The following INKA1 variants were observed in gnomAD, a reference collection of about 807,000 sequenced individuals.
INKA1 encodes inka box actin regulator 1.
INKA1 carries 14 observed loss-of-function variants against 21.3 expected under a neutral mutation model. That is an observed-to-expected ratio of 0.66 (90% CI 0.43 to 1.03). The LOEUF (loss-of-function observed/expected upper bound fraction) is 1.03. Among genes scored for constraint, INKA1 ranks in the 50% least tolerant of loss-of-function variants. INKA1 has a pLI of 0.00. For missense variants in INKA1, 353 were observed against 379.0 expected, an observed-to-expected ratio of 0.93 and a Z score of 0.57; for synonymous variants, 133 against 143.3, an observed-to-expected ratio of 0.93 and a Z score of 0.51.
chr3:49,804,877 T>C lies in INKA1; in HGVS notation c.748T>C (p.Cys250Arg), dbSNP rs766753112. The C allele has an allele frequency of 5.0e-6, 8 of 1,612,968 alleles. No homozygotes were observed. Among genetic ancestry groups the C allele is most frequent in the African/African-American group, 1.3e-5 (1 of 75,046 alleles). Residue 250 changes from cysteine (C) to arginine (R), a missense_variant, in exon 2 of 2, where the codon TGC (cysteine) becomes CGC (arginine). Cys to Arg is a radical substitution (Grantham distance 180). Coordinates refer to ENST00000333323, the MANE Select transcript of INKA1 (RefSeq NM_203370.2). This position sits in a 1 kb window ranked among gnomAD's most constrained non-coding sequence, Gnocchi z 6.7. ...AGCTATGGCAGGAAAGCGGCTGTCA[T>C]GCCCACCTCGCCCAGAACCTGAACT... ...RTAMAGKRLSCPPRPEPELPA... is the reference protein window; with the variant it reads ...RTAMAGKRLSRPPRPEPELPA...
Position 49,804,560 on chromosome 3 carries a change from C to T in INKA1, c.431C>T (p.Pro144Leu), listed in dbSNP as rs140569350. The T allele has an allele frequency of 7.4e-4, 1,200 of 1,613,448 alleles. 1 individual carries two copies. The highest frequency in any genetic ancestry group is 9.3e-4 in the Non-Finnish European group (1,102 of 1,180,036). ...MPSRAPVASVPPVHHPRPKST... is the reference protein window; with the variant it reads ...MPSRAPVASVLPVHHPRPKST... The stretch of plus-strand genomic sequence containing the variant: ...AGCAGGGCCCCTGTAGCCAGTGTAC[C>T]ACCTGTCCACCATCCACGGCCCAAG... Residue 144 changes from proline (P) to leucine (L), a missense_variant, in exon 2 of 2, where the codon CCA becomes CTA. Pro to Leu is a moderately conservative substitution (Grantham distance 98). Coordinates refer to ENST00000333323, the MANE Select transcript of INKA1 (RefSeq NM_203370.2). The surrounding 1 kb of genome is among the most constrained non-coding windows in gnomAD (Gnocchi z 6.7).
Position 49,803,351 on chromosome 3 carries a change from C to T in INKA1, c.-42C>T. 8.1e-6 allele frequency: 12 copies of T among 1,482,084 alleles called. No individual in the cohort carries two copies. Among genetic ancestry groups the T allele is most frequent in the Non-Finnish European group, 1.1e-5 (12 of 1,119,980 alleles). 91.8% of individuals were successfully genotyped at this position (1,482,084 alleles called of 1,614,324 possible). On this transcript the variant is annotated 5_prime_UTR_variant, in exon 1 of 2. Transcript: ENST00000333323. This position sits in a 1 kb window ranked among gnomAD's most constrained non-coding sequence, Gnocchi z 4.8. ...CTCTCCGCGCGGCTCCGCCGGGGTT[C>T]CAAGAGGAGCTAGTAGGTTCGGTGG... is the stretch of plus-strand genomic sequence containing the variant.
chr3:49,804,261 C>T lies in INKA1; in HGVS notation c.132C>T (p.Pro44=). The change falls in exon 2 of 2, where the codon CCC becomes CCT. Residue 44 remains proline (P), a synonymous_variant. Coordinates refer to ENST00000333323, the MANE Select transcript of INKA1 (RefSeq NM_203370.2). The surrounding 1 kb of genome is among the most constrained non-coding windows in gnomAD (Gnocchi z 6.7). Reference sequence around the variant, plus strand: ...CCCAAACTGGCCCAGATGTGCAGCCCAGCCACCAGCTTAGGGCCTCGGGTG... The same window carrying T: ...CCCAAACTGGCCCAGATGTGCAGCCTAGCCACCAGCTTAGGGCCTCGGGTG... ...PTSQTGPDVQ[P]SHQLRASGAL... 1 of 1,613,086 alleles carries T rather than the reference C, an allele frequency of 6.2e-7. No homozygotes were observed. Among genetic ancestry groups the T allele is most frequent in the South Asian group, 1.1e-5 (1 of 91,032 alleles).
In INKA1 at chr3:49,804,478, C is replaced by T. The variant is rs1228160998; in HGVS notation, c.349C>T (p.Pro117Ser). The T allele has an allele frequency of 2.5e-6, 4 of 1,613,608 alleles. No individual in the cohort carries two copies. Among genetic ancestry groups the T allele is most frequent in the African/African-American group, 1.3e-5 (1 of 75,054 alleles). ...EELPVSQRPA[P>S]SAQPLRRQCL... ...ACTGCCTGTATCCCAGCGCCCAGCA[C>T]CCTCAGCACAGCCCCTTCGTAGGCA... Residue 117 changes from proline to serine, a missense_variant, in exon 2 of 2, where the codon CCC becomes TCC. By Grantham distance (74) the Pro-to-Ser change is moderately conservative (BLOSUM62 -1). Transcript: ENST00000333323. This position sits in a 1 kb window ranked among gnomAD's most constrained non-coding sequence, Gnocchi z 6.7.
In INKA1 at chr3:49,804,442, C is replaced by A. The variant is rs375302194; in HGVS notation, c.313C>A (p.Arg105=). Residue 105 remains arginine (R), a synonymous_variant, in exon 2 of 2, where the codon CGA becomes AGA. Coordinates refer to ENST00000333323, the MANE Select transcript of INKA1 (RefSeq NM_203370.2). This position sits in a 1 kb window ranked among gnomAD's most constrained non-coding sequence, Gnocchi z 6.7. ...CTCGGAGGTGTCAGGCAGCACATGG[C>A]GAGAGGAAGAACTGCCTGTATCCCA... is the stretch of plus-strand genomic sequence containing the variant. ...GFSEVSGSTW[R]EEELPVSQRP... The A allele has an allele frequency of 3.1e-6, 5 of 1,613,478 alleles. No homozygotes were observed. Among genetic ancestry groups the A allele is most frequent in the Non-Finnish European group, 4.2e-6 (5 of 1,179,992 alleles).
At position 49,804,322 on chromosome 3, in the gene INKA1, G is replaced by A; in HGVS notation, c.193G>A (p.Glu65Lys). 1 of 1,613,512 alleles carries A rather than the reference G, an allele frequency of 6.2e-7. No individual in the cohort carries two copies. Among genetic ancestry groups the A allele is most frequent in the Non-Finnish European group, 8.5e-7 (1 of 1,179,948 alleles). ...EEDSVCCVEE[E>K]EEEEEEAVVT... ...GGACTCAGTCTGCTGTGTGGAGGAG[G>A]AGGAAGAGGAGGAGGAGGAAGCAGT... is the stretch of plus-strand genomic sequence containing the variant. The change falls in exon 2 of 2, where the codon GAG (glutamate) becomes AAG (lysine). Residue 65 changes from glutamate (E) to lysine (K), a missense_variant. Transcript: ENST00000333323. The surrounding 1 kb of genome is among the most constrained non-coding windows in gnomAD (Gnocchi z 6.7).
chr3:49,803,998 A>G lies in INKA1; in HGVS notation c.52-183A>G, dbSNP rs904017048. ...GCATGCTGCAGCCTGCCAGACTGCC[A>G]CCAGGTCGGTGGATGAGAACCACAC... On this transcript the variant is annotated intron_variant, in intron 1 of 1. Coordinates refer to ENST00000333323, the MANE Select transcript of INKA1 (RefSeq NM_203370.2). The surrounding 1 kb of genome is among the most constrained non-coding windows in gnomAD (Gnocchi z 4.8). Among the ~76,000 whole-genome samples the G allele has an allele frequency of 6.6e-6, 1 of 152,110 alleles. No individual in the cohort carries two copies. The highest frequency in any genetic ancestry group is 6.5e-5 in the Admixed American group (1 of 15,278).
At position 49,804,045 on chromosome 3, in the gene INKA1, C is replaced by A; in HGVS notation, c.52-136C>A. 1.4e-6 allele frequency: 1 copy of A among 726,440 alleles called. No homozygotes were observed. The highest frequency in any genetic ancestry group is 2.3e-6 in the Non-Finnish European group (1 of 432,600). The allele number at this position is 726,440 out of a possible 1,614,324, so 45.0% of individuals were successfully genotyped here. A position where few individuals can be genotyped will look rare whatever the true frequency, so the allele number is the denominator to read the frequency against. ...ACACCAGCTTCGAGTGCCAGCACCC[C>A]TATGCCTGCCCTGTGCTCACTAACA... On this transcript the variant is annotated intron_variant, in intron 1 of 1. Coordinates refer to ENST00000333323, the MANE Select transcript of INKA1 (RefSeq NM_203370.2). This position sits in a 1 kb window ranked among gnomAD's most constrained non-coding sequence, Gnocchi z 6.7.
chr3:49,804,641 C>G lies in INKA1; in HGVS notation c.512C>G (p.Thr171Arg). 1 of 1,613,218 alleles carries G rather than the reference C, an allele frequency of 6.2e-7. No homozygotes were observed. Among genetic ancestry groups the G allele is most frequent in the Non-Finnish European group, 8.5e-7 (1 of 1,180,026 alleles). ...CAGGGACTGGAAGCAGAGGACTGGA[C>G]AGCAGCCCTACTGAACAGGGGTCGC... ...HWQGLEAEDW[T>R]AALLNRGRSR... Residue 171 changes from threonine to arginine, a missense_variant, in exon 2 of 2, where the codon ACA becomes AGA. Physicochemically the swap from Thr to Arg is moderately conservative, Grantham distance 71. Coordinates refer to ENST00000333323, the MANE Select transcript of INKA1 (RefSeq NM_203370.2). The surrounding 1 kb of genome is among the most constrained non-coding windows in gnomAD (Gnocchi z 6.7).
rs1014360424 is a variant in INKA1, at chr3:49,803,346, G to T, written c.-47G>T. 6.8e-7 allele frequency: 1 copy of T among 1,473,924 alleles called. No homozygotes were observed. The highest frequency in any genetic ancestry group is 2.9e-5 in the Admixed American group (1 of 34,696). 91.3% of individuals were successfully genotyped at this position (1,473,924 alleles called of 1,614,324 possible). On this transcript the variant is annotated 5_prime_UTR_variant, in exon 1 of 2. Coordinates refer to ENST00000333323, the MANE Select transcript of INKA1 (RefSeq NM_203370.2). The surrounding 1 kb of genome is among the most constrained non-coding windows in gnomAD (Gnocchi z 4.8). ...CAGCCCTCTCCGCGCGGCTCCGCCG[G>T]GGTTCCAAGAGGAGCTAGTAGGTTC...
At position 49,804,443 on chromosome 3, in the gene INKA1, G is replaced by A. The variant is rs139173242; in HGVS notation, c.314G>A (p.Arg105Gln). 15 of 1,613,458 alleles carry A rather than the reference G, an allele frequency of 9.3e-6. No homozygotes were observed. Among genetic ancestry groups the A allele is most frequent in the East Asian group, 6.7e-5 (3 of 44,888 alleles). The change falls in exon 2 of 2, where the codon CGA becomes CAA. Residue 105 changes from arginine (R) to glutamine (Q), a missense_variant. Transcript: ENST00000333323. This position sits in a 1 kb window ranked among gnomAD's most constrained non-coding sequence, Gnocchi z 6.7. ...TCGGAGGTGTCAGGCAGCACATGGC[G>A]AGAGGAAGAACTGCCTGTATCCCAG... is the stretch of plus-strand genomic sequence containing the variant. ...GFSEVSGSTWREEELPVSQRP... is the reference protein window; with the variant it reads ...GFSEVSGSTWQEEELPVSQRP...
Position 49,804,371 on chromosome 3 carries a change from C to T in INKA1, c.242C>T (p.Ala81Val). 1 of 1,613,260 alleles carries T rather than the reference C, an allele frequency of 6.2e-7. No homozygotes were observed. The highest frequency in any genetic ancestry group is 8.5e-7 in the Non-Finnish European group (1 of 1,179,938). ...EAVVTEDRDA[A>V]LGGPREHALD... ...GTGGTGACAGAAGACAGGGATGCAG[C>T]CTTGGGAGGCCCCAGGGAGCATGCC... Residue 81 changes from alanine (A) to valine (V), a missense_variant, in exon 2 of 2, where the codon GCC becomes GTC. Transcript: ENST00000333323. The surrounding 1 kb of genome is among the most constrained non-coding windows in gnomAD (Gnocchi z 6.7).
Position 49,803,820 on chromosome 3 carries a change from C to T in INKA1, c.52-361C>T, listed in dbSNP as rs1297188575. Among the ~76,000 whole-genome samples the T allele has an allele frequency of 6.6e-6, 1 of 152,186 alleles. No homozygotes were observed. The highest frequency in any genetic ancestry group is 1.5e-5 in the Non-Finnish European group (1 of 68,010). On this transcript the variant is annotated intron_variant, in intron 1 of 1. Coordinates refer to ENST00000333323, the MANE Select transcript of INKA1 (RefSeq NM_203370.2). This position sits in a 1 kb window ranked among gnomAD's most constrained non-coding sequence, Gnocchi z 4.8. ...ACCCCTCACCTAGCAAGCGCTCTTT[C>T]TGTGAAAGACGCTTTGGGCTTTGGG...
Position 49,803,343 on chromosome 3 carries a change from C to T in INKA1, c.-50C>T. 6.8e-7 allele frequency: 1 copy of T among 1,472,092 alleles called. No individual in the cohort carries two copies. The highest frequency in any genetic ancestry group is 9.0e-7 in the Non-Finnish European group (1 of 1,114,976). The allele number at this position is 1,472,092 out of a possible 1,614,324, so 91.2% of individuals were successfully genotyped here. ...TCCCAGCCCTCTCCGCGCGGCTCCG[C>T]CGGGGTTCCAAGAGGAGCTAGTAGG... is the stretch of plus-strand genomic sequence containing the variant. On this transcript the variant is annotated 5_prime_UTR_variant, in exon 1 of 2. Coordinates refer to ENST00000333323, the MANE Select transcript of INKA1 (RefSeq NM_203370.2). This position sits in a 1 kb window ranked among gnomAD's most constrained non-coding sequence, Gnocchi z 4.8.
rs150759382 is a variant in INKA1, at chr3:49,804,438, A to G, written c.309A>G (p.Thr103=). ...DSGFSEVSGS[T]WREEELPVSQ... The stretch of plus-strand genomic sequence containing the variant: ...GCTTCTCGGAGGTGTCAGGCAGCAC[A>G]TGGCGAGAGGAAGAACTGCCTGTAT... Residue 103 remains threonine (T), a synonymous_variant, in exon 2 of 2, where the codon ACA becomes ACG. Transcript: ENST00000333323. This position sits in a 1 kb window ranked among gnomAD's most constrained non-coding sequence, Gnocchi z 6.7. 9.3e-6 allele frequency: 15 copies of G among 1,613,462 alleles called. No individual in the cohort carries two copies. The highest frequency in any genetic ancestry group is 1.3e-5 in the Non-Finnish European group (15 of 1,179,994).
rs6807837 is a variant in INKA1 at position 49,803,490 on chromosome 3, C to T, written c.51+47C>T. 4.2e-3 allele frequency: 6,351 copies of T among 1,524,442 alleles called. 226 individuals are homozygous for T. In the African/African-American group the frequency reaches 0.079, roughly 19 times the overall value. 94.4% of individuals were successfully genotyped at this position (1,524,442 alleles called of 1,614,324 possible). On this transcript the variant is annotated intron_variant, in intron 1 of 1. Transcript: ENST00000333323. The surrounding 1 kb of genome is among the most constrained non-coding windows in gnomAD (Gnocchi z 4.8). ...GGTTAGTGAGGACGCGTGCGGGATG[C>T]CAGGCTGCCGCCCGGCCGGAACAAC...
chr3:49,804,250 G>C lies in INKA1; in HGVS notation c.121G>C (p.Asp41His). Residue 41 changes from aspartate (D) to histidine (H), a missense_variant, in exon 2 of 2, where the codon GAT becomes CAT. Transcript: ENST00000333323. The surrounding 1 kb of genome is among the most constrained non-coding windows in gnomAD (Gnocchi z 6.7). ...PLQPTSQTGPDVQPSHQLRAS... is the reference protein window; with the variant it reads ...PLQPTSQTGPHVQPSHQLRAS... ...GCAGCCAACCTCCCAAACTGGCCCAGATGTGCAGCCCAGCCACCAGCTTAG... is the reference window on the plus strand; with the variant it reads ...GCAGCCAACCTCCCAAACTGGCCCACATGTGCAGCCCAGCCACCAGCTTAG... 4 of 1,612,286 alleles carry C rather than the reference G, an allele frequency of 2.5e-6. No homozygotes were observed. Among genetic ancestry groups the C allele is most frequent in the Non-Finnish European group, 3.4e-6 (4 of 1,179,018 alleles).
At position 49,803,448 on chromosome 3, in the gene INKA1, G is replaced by T; in HGVS notation, c.51+5G>T. On this transcript the variant is annotated splice_donor_5th_base_variant and intron_variant, in intron 1 of 1. Transcript: ENST00000333323. The surrounding 1 kb of genome is among the most constrained non-coding windows in gnomAD (Gnocchi z 4.8). Reference sequence around the variant, plus strand: ...AGCCAGCTCCGCTGGGAACTGGTGAGGCTCGGGAGCGGGTGTGGTTAGTGA... The same window carrying T: ...AGCCAGCTCCGCTGGGAACTGGTGATGCTCGGGAGCGGGTGTGGTTAGTGA... 6.4e-7 allele frequency: 1 copy of T among 1,557,828 alleles called. No individual in the cohort carries two copies. Among genetic ancestry groups the T allele is most frequent in the South Asian group, 1.2e-5 (1 of 84,000 alleles).
In INKA1 at chr3:49,803,767, T is replaced by C. The variant is rs1306994110; in HGVS notation, c.51+324T>C. The stretch of plus-strand genomic sequence containing the variant: ...TGGCGCTGCTGTGAACGCCCCCTAC[T>C]TCAGGCTGGCCTATGCCTCCCTTCT... On this transcript the variant is annotated intron_variant, in intron 1 of 1. Transcript: ENST00000333323. This position sits in a 1 kb window ranked among gnomAD's most constrained non-coding sequence, Gnocchi z 4.8. 6.6e-6 allele frequency among the ~76,000 whole-genome samples: 1 copy of C among 152,200 alleles called. No homozygotes were observed. The highest frequency in any genetic ancestry group is 1.9e-4 in the East Asian group (1 of 5,196).
Sources: allele counts gnomAD v4.1 joint callset (sites outside exome capture counted in the v4.1 genomes callset), GRCh38; gene constraint gnomAD v4.1.1; non-coding constraint Gnocchi (gnomAD v3.1); transcripts MANE v1.5; gene names NCBI Gene and HGNC (gene_info 2026-07-23, HGNC 2026-07-21).